PAPPA: variants seen among roughly 807,000 people sequenced by gnomAD.
PAPPA encodes the protein pappalysin-1.
A neutral mutation model predicts 164.0 loss-of-function variants in PAPPA; 60 were observed. That is an observed-to-expected ratio of 0.37 (90% CI 0.30 to 0.45). PAPPA has a LOEUF of 0.45. Ranked by LOEUF, PAPPA falls within the 20% of genes least tolerant of loss-of-function variation. The pLI is 1.00. For missense variants in PAPPA, 1,782 were observed against 2,087.3 expected, an observed-to-expected ratio of 0.85 and a Z score of 2.85; for synonymous variants, 875 against 814.1, an observed-to-expected ratio of 1.07 and a Z score of -1.27.
In PAPPA at chr9:116,154,653, G is replaced by C. The variant is rs906062006; in HGVS notation, c.415+66G>C. On this transcript the variant is annotated intron_variant, in intron 1 of 21. Transcript: ENST00000328252. The surrounding 1 kb of genome is among the most constrained non-coding windows in gnomAD (Gnocchi z 5.2). ...GGCCCCAGAGGCTCGCGGGTGTCTG[G>C]GCGCGGGTGGCGGGCGGGTCGGGGG... The C allele has an allele frequency of 9.5e-6, 12 of 1,257,442 alleles. No individual in the cohort carries two copies. In the African/African-American group the frequency reaches 1.7e-4, roughly 18 times the overall value. 77.9% of individuals were successfully genotyped at this position (1,257,442 alleles called of 1,614,324 possible). A position where few individuals can be genotyped will look rare whatever the true frequency, so the allele number is the denominator to read the frequency against.
chr9:116,329,994 T>C (rs1051555521), intron 10 of PAPPA, among the ~76,000 whole-genome samples: 7 of 152,250 alleles, frequency 4.6e-5, no homozygotes, highest in Middle Eastern at 3.2e-3. Flanking sequence ...TTAATCCTTG[T>C]ATATACTTTT....
intron 7 of PAPPA, among the ~76,000 whole-genome samples, chr9:116,263,195 T>C (rs1048725215): frequency 2.6e-5 from 4 of 152,226 alleles, no homozygotes; most frequent in African/African-American, 9.6e-5. Context: ...TTAAGGTTTC[T>C]GTACTAATCA....
intron 10 of PAPPA, among the ~76,000 whole-genome samples, chr9:116,313,082 CAAAAA>C (rs59596284): frequency 1.5e-5 from 1 of 68,466 alleles, no homozygotes; most frequent in African/African-American, 5.4e-5. Context: ...GACTCCATCT[CAAAAA>C]AAAAAAAAAA....
At chr9:116,318,798 C>T (rs922599818) in intron 10 of PAPPA, 3 of 152,150 alleles carry the variant, frequency 2.0e-5, no homozygotes, top group Non-Finnish European at 2.9e-5. Context: ...ATCCCCCACC[C>T]GCACCCCTGA....
In PAPPA at chr9:116,187,301, A is replaced by T; in HGVS notation, c.563A>T (p.His188Leu). Reference sequence around the variant, plus strand: ...CGGCAAGTGACCACCATCAATGCCCACCGCAGCTACCTCCCAGGCCAGTGG... The same window carrying T: ...CGGCAAGTGACCACCATCAATGCCCTCCGCAGCTACCTCCCAGGCCAGTGG... ...RARQVTTINAHRSYLPGQWVY... is the reference protein window; with the variant it reads ...RARQVTTINALRSYLPGQWVY... The change falls in exon 2 of 22, where the codon CAC becomes CTC. Residue 188 changes from histidine (H) to leucine (L), a missense_variant. His to Leu is a moderately conservative substitution (Grantham distance 99). Transcript: ENST00000328252. The surrounding 1 kb of genome is among the most constrained non-coding windows in gnomAD (Gnocchi z 4.2). The T allele has an allele frequency of 6.2e-7, 1 of 1,614,108 alleles. No individual in the cohort carries two copies. The highest frequency in any genetic ancestry group is 8.5e-7 in the Non-Finnish European group (1 of 1,180,014).
chr9:116,377,305 G>A (rs577755179), intron 19 of PAPPA, among the ~76,000 whole-genome samples: 222 of 152,138 alleles, frequency 1.5e-3, no homozygotes, highest in African/African-American at 5.2e-3. Flanking sequence ...CTTTCTGATC[G>A]TGTCTCTACC....
At chr9:116,362,996 G>A (rs1037846955) in intron 18 of PAPPA, among the ~76,000 whole-genome samples, 2 of 152,204 alleles carry the variant, frequency 1.3e-5, no homozygotes, top group Non-Finnish European at 2.9e-5. Flanking sequence ...TGGGGACACA[G>A]AAGACTCCCA....
At position 116,289,360 on chromosome 9, in the gene PAPPA, ATATATATG is replaced by A. The variant is rs1192790082; in HGVS notation, c.2954-13396_2954-13389del. 2.0e-4 allele frequency among the ~76,000 whole-genome samples: 27 copies of A among 132,966 alleles called. 4 individuals are homozygous for A. The East Asian group carries it at 2.6e-3, about 13-fold the overall frequency. The allele number at this position is 132,966 out of a possible 152,430, so 87.2% of individuals were successfully genotyped here. A position where few individuals can be genotyped will look rare whatever the true frequency, so the allele number is the denominator to read the frequency against. ...AGCATATATATGGCATATATATGGC[ATATATATG>A]GCATATATATAGCATATGTATATAT... On this transcript the variant is annotated intron_variant, in intron 9 of 21. Coordinates refer to ENST00000328252, the MANE Select transcript of PAPPA (RefSeq NM_002581.5).
intron 7 of PAPPA, among the ~76,000 whole-genome samples, chr9:116,264,330 ATTGGTATGTCCACC>A (rs1264730013): frequency 2.0e-5 from 3 of 152,250 alleles, no homozygotes; most frequent in Non-Finnish European, 4.4e-5. Context: ...CTCTCAAGAT[ATTGGTATGTCCACC>A]TATTTCATCT....
chr9:116,369,839 C>G (rs985642978), intron 19 of PAPPA, among the ~76,000 whole-genome samples: 1 of 151,568 alleles, frequency 6.6e-6, no homozygotes, highest in Non-Finnish European at 1.5e-5. Context: ...GCTGGCCTAC[C>G]GAGAGAACCA....
At chr9:116,292,824 G>T (rs1336199578) in intron 9 of PAPPA, among the ~76,000 whole-genome samples, 3 of 152,110 alleles carry the variant, frequency 2.0e-5, no homozygotes, top group African/African-American at 4.8e-5. Context: ...AGAAAAAGGG[G>T]TCCCCATCTA....
intron 20 of PAPPA, among the ~76,000 whole-genome samples, chr9:116,379,580 CATCG>C (rs1846700543): frequency 1.3e-5 from 2 of 149,088 alleles, no homozygotes; most frequent in Non-Finnish European, 3.0e-5. Flanking sequence ...TCCATCCATC[CATCG>C]TTTTACTAAA....
intron 19 of PAPPA, among the ~76,000 whole-genome samples, chr9:116,368,871 C>T (rs574922347): frequency 3.3e-5 from 5 of 152,200 alleles, no homozygotes; most frequent in Admixed American, 1.3e-4. Context: ...TTCTCAAATG[C>T]GCTGAGGGCA....
chr9:116,367,802 A>G, intron 19 of PAPPA, 48 bp downstream of exon 19: 3 of 1,290,510 alleles, frequency 2.3e-6, no homozygotes, highest in Non-Finnish European at 3.4e-6. Flanking sequence ...GGGGAGGGAA[A>G]TGATATTGTT....
chr9:116,259,435 A>C (rs1024995420), intron 7 of PAPPA, among the ~76,000 whole-genome samples: 1 of 152,140 alleles, frequency 6.6e-6, no homozygotes, highest in Non-Finnish European at 1.5e-5. Context: ...ATATGTAAAT[A>C]TACTTATGTA....
intron 2 of PAPPA, among the ~76,000 whole-genome samples, chr9:116,195,214 T>A (rs143230677): frequency 7.2e-4 from 109 of 152,286 alleles, no homozygotes; most frequent in African/African-American, 2.6e-3. Flanking sequence ...ATGGTTTGAT[T>A]TTCTCTGATT....
intron 10 of PAPPA, among the ~76,000 whole-genome samples, chr9:116,307,315 C>A (rs1845658669): frequency 6.6e-6 from 1 of 152,088 alleles, no homozygotes; most frequent in Admixed American, 6.5e-5. Context: ...AGAATACAAA[C>A]CAGGCCGGGC....
intron 7 of PAPPA, among the ~76,000 whole-genome samples, chr9:116,253,482 C>T (rs1844884936): frequency 6.6e-6 from 1 of 152,168 alleles, no homozygotes; most frequent in Non-Finnish European, 1.5e-5. Context: ...ACTTGGTCCA[C>T]AGTCAGTATG....
At chr9:116,295,996 C>T (rs999671863) in intron 9 of PAPPA, among the ~76,000 whole-genome samples, 2 of 152,172 alleles carry the variant, frequency 1.3e-5, no homozygotes, top group African/African-American at 4.8e-5. Flanking sequence ...ATTGCAATAG[C>T]CCTCACTCCT....
Sources: gnomAD v4.1 joint callset for allele counts (sites outside exome capture counted in the v4.1 genomes callset) on GRCh38, gnomAD v4.1.1 for gene constraint, Gnocchi (gnomAD v3.1) non-coding constraint, MANE v1.5 for transcripts, NCBI Gene and HGNC (gene_info 2026-07-23, HGNC 2026-07-21) for gene names.